RAI2: variants seen among roughly 807,000 people sequenced by gnomAD.
RAI2 encodes the protein retinoic acid induced 2.
Under a neutral mutation model 15.3 loss-of-function variants are expected in RAI2, and 5 were observed. The ratio of observed to expected loss-of-function variants is 0.33; its 90% CI spans 0.17 to 0.69. RAI2 has a LOEUF of 0.69. RAI2 is among the 30% of genes least tolerant of loss of function. RAI2 has a pLI of 0.69. For missense variants in RAI2, 424 were observed against 424.7 expected (o/e 1.00, Z 0.01); for synonymous variants, 191 against 184.0 (o/e 1.04, Z -0.31).
chrX:17,828,452 T>A (rs1423172194), intron 1 of RAI2, among the ~76,000 whole-genome samples: 3 of 112,084 alleles, frequency 2.7e-5, no homozygotes, highest in African/African-American at 9.7e-5. Context: ...CTTAATGCTC[T>A]TGGCTTGGCA....
chrX:17,811,857 A>G (rs1231106925), intron 1 of RAI2, among the ~76,000 whole-genome samples: 1 of 111,304 alleles, frequency 9.0e-6, no homozygotes, highest in Non-Finnish European at 1.9e-5. Flanking sequence ...AGCTCTGCCT[A>G]ATTTTGCTAG....
intron 1 of RAI2, among the ~76,000 whole-genome samples, chrX:17,842,562 T>C (rs1019194604): frequency 4.6e-5 from 5 of 108,265 alleles, no homozygotes; most frequent in Admixed American, 1.0e-4. Context: ...ACATAAATGA[T>C]CGGCAAAGTT....
chrX:17,807,886 A>T (rs1219988117), intron 1 of RAI2, among the ~76,000 whole-genome samples: 1 of 112,131 alleles, frequency 8.9e-6, no homozygotes, highest in African/African-American at 3.2e-5. Flanking sequence ...TTTTCTCAAG[A>T]TATGGGTTTT....
At chrX:17,820,644 T>C (rs1032309034) in intron 1 of RAI2, among the ~76,000 whole-genome samples, 1 of 111,800 alleles carries the variant, frequency 8.9e-6, no homozygotes, top group East Asian at 2.8e-4. Context: ...CCTGCACACA[T>C]ATCCTGGTTC....
At chrX:17,804,323 C>G (rs2066954478) in intron 1 of RAI2, among the ~76,000 whole-genome samples, 1 of 112,221 alleles carries the variant, frequency 8.9e-6, no homozygotes, top group Admixed American at 9.4e-5. Context: ...CTGAGTGAAA[C>G]AGACGAGGTT....
intron 1 of RAI2, among the ~76,000 whole-genome samples, chrX:17,810,609 G>A (rs1463197408): frequency 8.9e-6 from 1 of 112,038 alleles, no homozygotes; most frequent in Non-Finnish European, 1.9e-5. Flanking sequence ...GTCAAACCTA[G>A]CCTCCCAGGA....
chrX:17,838,505 G>A (rs991863047), intron 1 of RAI2, among the ~76,000 whole-genome samples: 2 of 111,493 alleles, frequency 1.8e-5, no homozygotes, highest in Non-Finnish European at 3.8e-5. Flanking sequence ...GAAAATGTTT[G>A]AGAGGGTTCT....
intron 1 of RAI2, among the ~76,000 whole-genome samples, chrX:17,835,424 C>T (rs746448360): frequency 5.2e-4 from 58 of 112,296 alleles, no homozygotes; most frequent in Non-Finnish European, 9.2e-4. Flanking sequence ...AAACCATACT[C>T]CTCCCTCTAC....
In RAI2 at chrX:17,821,944, T is replaced by C. The variant is rs1359747992; in HGVS notation, c.-24-19910A>G. On this transcript the variant is annotated intron_variant, in intron 1 of 1. Transcript: ENST00000451717. ...TCTTCCAAGCAGAAGATCTTTACCA[T>C]GCAAAAGATTATTTGAAGACTAATT... Among the ~76,000 whole-genome samples, 3 of 111,078 alleles carry C rather than the reference T, an allele frequency of 2.7e-5. No homozygotes were observed. In the Admixed American group the frequency reaches 2.9e-4, roughly 11 times the overall value.
intron 1 of RAI2, among the ~76,000 whole-genome samples, chrX:17,803,533 A>AG (rs1210370544): frequency 1.5e-3 from 165 of 111,325 alleles, no homozygotes; most frequent in African/African-American, 5.0e-3. Flanking sequence ...TCCTTTAAAA[A>AG]AAAAAGAAAA....
intron 1 of RAI2, among the ~76,000 whole-genome samples, chrX:17,858,174 G>T (rs903266336): frequency 1.8e-5 from 2 of 111,947 alleles, no homozygotes; most frequent in Non-Finnish European, 3.8e-5. Context: ...CAGGTTAAGA[G>T]AAATAAATAA....
At chrX:17,811,717 C>G (rs1234973013) in intron 1 of RAI2, among the ~76,000 whole-genome samples, 1 of 111,747 alleles carries the variant, frequency 8.9e-6, no homozygotes. Context: ...TCCCCTTCTT[C>G]TAATGCATGT....
At chrX:17,806,999 G>A (rs1057185420) in intron 1 of RAI2, among the ~76,000 whole-genome samples, 5 of 111,566 alleles carry the variant, frequency 4.5e-5, no homozygotes, top group South Asian at 3.8e-4. Context: ...ACAATTTGCC[G>A]TGAGATTTGG....
intron 1 of RAI2, among the ~76,000 whole-genome samples, chrX:17,850,394 C>T (rs759875799): frequency 6.2e-5 from 7 of 112,512 alleles, no homozygotes; most frequent in African/African-American, 2.3e-4. Flanking sequence ...CCACGAGAAC[C>T]GGCAATGGCG....
intron 1 of RAI2, among the ~76,000 whole-genome samples, chrX:17,836,077 C>T (rs2067330489): frequency 9.1e-6 from 1 of 110,399 alleles, no homozygotes; most frequent in South Asian, 3.9e-4. Context: ...ACAATACCCA[C>T]CCCTCAACTC....
At chrX:17,849,232 G>A (rs1243294311) in intron 1 of RAI2, among the ~76,000 whole-genome samples, 1 of 112,581 alleles carries the variant, frequency 8.9e-6, no homozygotes, top group Non-Finnish European at 1.9e-5. Context: ...CAGACGGAAT[G>A]GTGCGGTGAA....
chrX:17,827,460 C>G (rs1034766041), intron 1 of RAI2, among the ~76,000 whole-genome samples: 24 of 112,373 alleles, frequency 2.1e-4, no homozygotes, highest in Non-Finnish European at 4.1e-4. Context: ...ACTGTGTATA[C>G]ACAGTGCCAG....
chrX:17,860,614 G>C (rs1015421745), intron 1 of RAI2: 5 of 112,698 alleles, frequency 4.4e-5, no homozygotes, highest in Non-Finnish European at 9.4e-5. Flanking sequence ...CGCCAGATAC[G>C]TCAACAGAAT....
chrX:17,836,035 A>C (rs1381838143), intron 1 of RAI2, among the ~76,000 whole-genome samples: 2 of 111,835 alleles, frequency 1.8e-5, no homozygotes, highest in Non-Finnish European at 3.8e-5. Context: ...TTTTCCTCAG[A>C]GATACAGAGT....
Sources: allele counts gnomAD v4.1 joint callset (sites outside exome capture counted in the v4.1 genomes callset), GRCh38; gene constraint gnomAD v4.1.1; transcripts MANE v1.5; gene names NCBI Gene and HGNC (gene_info 2026-07-23, HGNC 2026-07-21).